Variants in ZNF717 observed in about 807,000 individuals in gnomAD.
ZNF717 encodes the protein zinc finger protein 717.
ZNF717 carries 9 observed loss-of-function variants against 13.8 expected under a neutral mutation model. The ratio of observed to expected loss-of-function variants is 0.65; its 90% CI spans 0.39 to 1.14. The LOEUF (loss-of-function observed/expected upper bound fraction) is 1.14, where lower values mean the gene tolerates loss of function less well. Among genes scored for constraint, ZNF717 ranks in the 50% most tolerant of loss-of-function variants. ZNF717 has a pLI of 0.01. For synonymous variants in ZNF717, 327 were observed against 364.1 expected (o/e 0.90, Z 1.16); for missense variants, 1,040 against 1,080.7 (o/e 0.96, Z 0.53).
In ZNF717 at chr3:75,741,615, G is replaced by A; in HGVS notation, c.179C>T (p.Ser60Leu). 1 of 1,610,230 alleles carries A rather than the reference G, an allele frequency of 6.2e-7. No individual in the cohort carries two copies. Among genetic ancestry groups the A allele is most frequent in the Non-Finnish European group, 8.5e-7 (1 of 1,178,050 alleles). Residue 60 changes from serine to leucine, a missense_variant, in exon 3 of 5, where the codon TCA becomes TTA. Coordinates refer to ENST00000652011, the MANE Select transcript of ZNF717 (RefSeq NM_001290208.3). ...TACTGGCAAGTTTCACTCACCCAAT[G>A]ATACCAGGCTGCTGTAGGTCTCCAG... ...VMLETYSSLV[S>L]LGHYITKPEM...
intron 4 of ZNF717, among the ~76,000 whole-genome samples, chr3:75,721,217 G>T (rs2918478): frequency 0.81 from 117,701 of 144,730 alleles, 47,392 homozygotes; most frequent in East Asian, 0.87. Context: ...TTAAGGTCTG[G>T]TAAGTGATAG....
rs781145794 is a variant in ZNF717, at chr3:75,739,043, CATG to C, written c.577_579del (p.His193del). 35 of 1,551,476 alleles carry C rather than the reference CATG, an allele frequency of 2.3e-5. 1 individual carries two copies. In the Middle Eastern group the frequency reaches 1.2e-3, roughly 52 times the overall value. On this transcript the variant is annotated inframe_deletion, in exon 5 of 5. Coordinates refer to ENST00000652011, the MANE Select transcript of ZNF717 (RefSeq NM_001290208.3). ...ATCTTGTGATGCTGAGTAAGATGTT[CATG>C]ATGTCTGTGGGATCTCCTGGTTATA... is the stretch of plus-strand genomic sequence containing the variant.
At chr3:75,714,100 G>C (rs1266230960) in intron 5 of ZNF717, among the ~76,000 whole-genome samples, 4 of 152,160 alleles carry the variant, frequency 2.6e-5, no homozygotes, top group Admixed American at 6.5e-5. Context: ...AAGCGGACTA[G>C]GAGCATGACC....
chr3:75,780,307 T>A (rs538737286), intron 2 of ZNF717, among the ~76,000 whole-genome samples: 1 of 152,236 alleles, frequency 6.6e-6, no homozygotes, highest in Non-Finnish European at 1.5e-5. Flanking sequence ...GGGAGTGATG[T>A]GCTAAACCGG....
chr3:75,760,829 A>T (rs1216848606), intron 2 of ZNF717, among the ~76,000 whole-genome samples: 1 of 152,104 alleles, frequency 6.6e-6, no homozygotes, highest in African/African-American at 2.4e-5. Context: ...GAATAAGACC[A>T]GAAAAAAGAA....
chr3:75,697,492 A>C (rs1401904448), intron 6 of ZNF717, among the ~76,000 whole-genome samples: 3 of 152,376 alleles, frequency 2.0e-5, no homozygotes, highest in African/African-American at 7.2e-5. Context: ...AGTGTGTAAC[A>C]ACTTGCACCT....
downstream of ZNF717, among the ~76,000 whole-genome samples, chr3:75,734,390 A>C (rs1238736782): frequency 1.1e-4 from 16 of 149,838 alleles, no homozygotes; most frequent in Admixed American, 1.1e-3. Flanking sequence ...TTTAAAAAGA[A>C]CATTAGAGAA....
intron 2 of ZNF717, among the ~76,000 whole-genome samples, chr3:75,765,027 A>ATATATATATATATG (rs1943348111): frequency 2.4e-5 from 1 of 42,076 alleles, no homozygotes; most frequent in African/African-American, 1.0e-4. Context: ...ATATATATAT[A>ATATATATATATATG]TATGTATATG....
At position 75,738,154 on chromosome 3, in the gene ZNF717, C is replaced by G. The variant is rs77389541; in HGVS notation, c.1469G>C (p.Arg490Pro). 6 of 1,363,798 alleles carry G rather than the reference C, an allele frequency of 4.4e-6. No individual in the cohort carries two copies. In the African/African-American group the frequency reaches 5.8e-5, roughly 13 times the overall value. The allele number at this position is 1,363,798 out of a possible 1,614,324, so 84.5% of individuals were successfully genotyped here. A position where few individuals can be genotyped will look rare whatever the true frequency, so the allele number is the denominator to read the frequency against. The change falls in exon 5 of 5, where the codon CGT (arginine) becomes CCT (proline). Residue 490 changes from arginine (R) to proline (P), a missense_variant. Arg to Pro is a moderately radical substitution (Grantham distance 103, BLOSUM62 -2). Around this residue, in one of 3 missense-constraint regions of ZNF717, gnomAD observed 873 missense variants for 832.8 expected, o/e 1.05. Transcript: ENST00000652011. Reference protein sequence around the residue: ...ECNECGKTFHRKSFLTIHQWT... With the variant: ...ECNECGKTFHPKSFLTIHQWT... ...TTGATGGATAGTGAGGAATGACTTA[C>G]GGTGAAACGTTTTCCCACATTCATT...
intron 2 of ZNF717, among the ~76,000 whole-genome samples, chr3:75,765,301 C>T (rs976557839): frequency 2.6e-5 from 4 of 152,004 alleles, no homozygotes; most frequent in Non-Finnish European, 5.9e-5. Flanking sequence ...ATCTGCTACA[C>T]AACACTGTAA....
downstream of ZNF717, chr3:75,732,208 A>G: frequency 1.7e-6 from 1 of 600,112 alleles, no homozygotes; most frequent in South Asian, 1.6e-5. Context: ...AAATTACTGA[A>G]CCTCAGCCTA....
intron 5 of ZNF717, among the ~76,000 whole-genome samples, chr3:75,715,935 A>G (rs1486078715): frequency 1.3e-5 from 2 of 151,548 alleles, no homozygotes; most frequent in Non-Finnish European, 2.9e-5. Context: ...GCATGCCTTA[A>G]TGTTTGAGAA....
At chr3:75,775,544 T>C (rs778453746) in intron 2 of ZNF717, among the ~76,000 whole-genome samples, 1 of 152,170 alleles carries the variant, frequency 6.6e-6, no homozygotes, top group Non-Finnish European at 1.5e-5. Flanking sequence ...TCCCCAAGAA[T>C]TGGACTGGTT....
chr3:75,765,348 G>A (rs186440554), intron 2 of ZNF717, among the ~76,000 whole-genome samples: 4 of 152,124 alleles, frequency 2.6e-5, no homozygotes, highest in Admixed American at 2.6e-4. Context: ...ACTTACAACT[G>A]GTTATGATGG....
At chr3:75,707,153 A>C (rs1937821248), downstream of ZNF717, among the ~76,000 whole-genome samples, 2 of 152,256 alleles carry the variant, frequency 1.3e-5, no homozygotes, top group African/African-American at 4.8e-5. Context: ...AACACACTAA[A>C]CACCTTCCCC....
downstream of ZNF717, among the ~76,000 whole-genome samples, chr3:75,733,816 C>A (rs1938820221): frequency 7.6e-6 from 1 of 131,800 alleles, no homozygotes; most frequent in African/African-American, 2.9e-5. Flanking sequence ...TTCAACATCT[C>A]AGAACCATGA....
chr3:75,706,770 G>A (rs141585447), downstream of ZNF717, among the ~76,000 whole-genome samples: 1 of 152,268 alleles, frequency 6.6e-6, no homozygotes, highest in East Asian at 1.9e-4. Context: ...CTCTTGAAGT[G>A]GCAGATAGGA....
chr3:75,785,482 G>C lies in ZNF717; in HGVS notation c.-101C>G. ...CCCCCGGGATCCCCCGGGCCCACGG[G>C]TTCCTCTTCGCCCTCGCACCGACCC... is the stretch of plus-strand genomic sequence containing the variant. On this transcript the variant is annotated 5_prime_UTR_variant, in exon 1 of 5. Transcript: ENST00000652011. 6.6e-6 allele frequency: 1 copy of C among 152,596 alleles called. No individual in the cohort carries two copies. The highest frequency in any genetic ancestry group is 1.5e-5 in the Non-Finnish European group (1 of 68,342). 9.5% of individuals were successfully genotyped at this position (152,596 alleles called of 1,614,324 possible). A position where few individuals can be genotyped will look rare whatever the true frequency, so the allele number is the denominator to read the frequency against.
At chr3:75,762,281 A>T (rs1167424639) in intron 2 of ZNF717, among the ~76,000 whole-genome samples, 2 of 151,948 alleles carry the variant, frequency 1.3e-5, no homozygotes, top group African/African-American at 4.8e-5. Context: ...TCTACTAAAA[A>T]TACCAAAAAA....
Sources: allele counts gnomAD v4.1 joint callset (sites outside exome capture counted in the v4.1 genomes callset), GRCh38; gene constraint gnomAD v4.1.1; regional missense constraint gnomAD v4.1.1; transcripts MANE v1.5; gene names NCBI Gene and HGNC (gene_info 2026-07-23, HGNC 2026-07-21).